Variants in RHOBTB2 observed in about 807,000 individuals in gnomAD.
RHOBTB2 encodes the protein Rho related BTB domain containing 2, also known as rho-related BTB domain-containing protein 2.
Under a neutral mutation model 66.5 loss-of-function variants are expected in RHOBTB2, and 39 were observed. That is an observed-to-expected ratio of 0.59 (90% CI 0.45 to 0.77). The LOEUF is 0.77. Among genes scored for constraint, RHOBTB2 ranks in the 30% least tolerant of loss-of-function variants. RHOBTB2 has a pLI of 0.00. For synonymous variants in RHOBTB2, 390 were observed against 395.0 expected, an observed-to-expected ratio of 0.99 and a Z score of 0.15; for missense variants, 755 against 999.1, an observed-to-expected ratio of 0.76 and a Z score of 3.29.
At chr8:22,983,638 GT>G (rs1182587184), upstream of RHOBTB2, among the ~76,000 whole-genome samples, 2 of 152,124 alleles carry the variant, frequency 1.3e-5, no homozygotes, top group African/African-American at 4.8e-5. Context: ...AGGGAAAAAG[GT>G]TTTGGATGTG....
chr8:22,951,933 T>G, the RHOBTB2 span, among the ~76,000 whole-genome samples: 6 of 152,156 alleles, frequency 3.9e-5, no homozygotes, highest in Non-Finnish European at 1.5e-5. Flanking sequence ...GTTGGCCAAG[T>G]TGGTCTCAAA....
chr8:22,974,918 CG>C, the RHOBTB2 span, among the ~76,000 whole-genome samples: 4 of 152,138 alleles, frequency 2.6e-5, no homozygotes, highest in African/African-American at 9.7e-5. Context: ...ACCCACTAAG[CG>C]CCCCAATTGT....
At chr8:22,973,349 C>T in the RHOBTB2 span, among the ~76,000 whole-genome samples, 4,327 of 152,266 alleles carry the variant, frequency 0.028, 195 homozygotes, top group African/African-American at 0.099. Context: ...CCCTCTCGGC[C>T]TCCCAAGTAG....
rs2128805085 is a variant in RHOBTB2, at chr8:23,007,760, T to C, written c.1501+14T>C. 1.9e-6 allele frequency: 3 copies of C among 1,609,468 alleles called. No individual in the cohort carries two copies. Among genetic ancestry groups the C allele is most frequent in the Non-Finnish European group, 2.5e-6 (3 of 1,176,964 alleles). On this transcript the variant is annotated intron_variant, in intron 5 of 9. Coordinates refer to ENST00000251822, the MANE Select transcript of RHOBTB2 (RefSeq NM_015178.3). The stretch of plus-strand genomic sequence containing the variant: ...GCACCTTCTCAGGTATGGAACAGGC[T>C]TGGAAAGCAAGGGGGTTCTGCATTG...
Position 23,006,951 on chromosome 8 carries a change from C to G in RHOBTB2, c.706C>G (p.Pro236Ala), listed in dbSNP as rs770545947. ...TCTGCTGCAGGCACCCTTCCTACCCCCCAAGCCACCGCCCCCGATCATCGT... is the reference window on the plus strand; with the variant it reads ...TCTGCTGCAGGCACCCTTCCTACCCGCCAAGCCACCGCCCCCGATCATCGT... Reference protein sequence around the residue: ...RPLLQAPFLPPKPPPPIIVVP... With the variant: ...RPLLQAPFLPAKPPPPIIVVP... The change falls in exon 5 of 10, where the codon CCC (proline) becomes GCC (alanine). Residue 236 changes from proline to alanine, a missense_variant. By Grantham distance (27) the Pro-to-Ala change is conservative. This residue lies in a region of RHOBTB2 where 247 missense variants were observed against 238.9 expected (regional missense o/e 1.03). Transcript: ENST00000251822. This position sits in a 1 kb window ranked among gnomAD's most constrained non-coding sequence, Gnocchi z 6.1. 1 of 1,612,386 alleles carries G rather than the reference C, an allele frequency of 6.2e-7. No individual in the cohort carries two copies. Among genetic ancestry groups the G allele is most frequent in the Non-Finnish European group, 8.5e-7 (1 of 1,180,010 alleles).
upstream of RHOBTB2, among the ~76,000 whole-genome samples, chr8:22,985,235 G>C (rs1313993071): frequency 6.6e-6 from 1 of 152,208 alleles, no homozygotes; most frequent in Admixed American, 6.5e-5. Flanking sequence ...CCAGAGTTCT[G>C]GTTCCACACT....
chr8:23,016,757 C>G (rs1411027005), intron 9 of RHOBTB2, among the ~76,000 whole-genome samples: 1 of 152,174 alleles, frequency 6.6e-6, no homozygotes, highest in Non-Finnish European at 1.5e-5. Context: ...TCACTCCCTG[C>G]TTCCAGACCT....
the RHOBTB2 span, among the ~76,000 whole-genome samples, chr8:22,959,072 T>C: frequency 1.3e-5 from 2 of 152,198 alleles, no homozygotes; most frequent in Non-Finnish European, 1.5e-5. Context: ...AAATCCATTG[T>C]TCACTCTCCT....
Position 22,994,479 on chromosome 8 carries a change from G to A in RHOBTB2, c.-23-82G>A. On this transcript the variant is annotated intron_variant, in intron 2 of 11. Transcript: ENST00000519685. ...CCTCTATCTGGGCTGAGCGACCTTG[G>A]AGTAATTCGCGGTGTGCTCATTCCC... 3 of 812,722 alleles carry A rather than the reference G, an allele frequency of 3.7e-6. No homozygotes were observed. In the South Asian group the frequency reaches 4.8e-5, roughly 13 times the overall value. The allele number at this position is 812,722 out of a possible 1,614,324, so 50.3% of individuals were successfully genotyped here. A position where few individuals can be genotyped will look rare whatever the true frequency, so the allele number is the denominator to read the frequency against.
In RHOBTB2 at chr8:22,999,737, T is replaced by TAGC; in HGVS notation, c.-378_-376dup. ...CGCCTTCGCCGCGGGCCCGGGCGCGTAGCGGCGGCGGCCTCGCCCCTCTCC... is the reference window on the plus strand; with the variant it reads ...CGCCTTCGCCGCGGGCCCGGGCGCGTAGCAGCGGCGGCGGCCTCGCCCCTCTCC... On this transcript the variant is annotated 5_prime_UTR_variant, in exon 1 of 10. Coordinates refer to ENST00000251822, the MANE Select transcript of RHOBTB2 (RefSeq NM_015178.3). 1 of 1,085,374 alleles carries TAGC rather than the reference T, an allele frequency of 9.2e-7. No individual in the cohort carries two copies. The highest frequency in any genetic ancestry group is 4.4e-4 in the Middle Eastern group (1 of 2,262). 67.2% of individuals were successfully genotyped at this position (1,085,374 alleles called of 1,614,324 possible).
At chr8:22,989,693 C>G (rs972941492) in intron 1 of RHOBTB2, among the ~76,000 whole-genome samples, 1 of 152,220 alleles carries the variant, frequency 6.6e-6, no homozygotes, top group African/African-American at 2.4e-5. Context: ...ATCAGAACCA[C>G]AGCGCTGGGG....
chr8:22,996,281 C>T (rs1810553814), upstream of RHOBTB2, among the ~76,000 whole-genome samples: 2 of 151,996 alleles, frequency 1.3e-5, no homozygotes, highest in Non-Finnish European at 2.9e-5. Context: ...TGGGGTTGGG[C>T]AGGGGCAGGA....
chr8:22,952,129 T>C, the RHOBTB2 span, among the ~76,000 whole-genome samples: 7 of 152,118 alleles, frequency 4.6e-5, no homozygotes, highest in Admixed American at 3.3e-4. Context: ...AGAACCTCCA[T>C]AGCCAGAACG....
At chr8:22,975,470 C>T in the RHOBTB2 span, among the ~76,000 whole-genome samples, 2 of 152,150 alleles carry the variant, frequency 1.3e-5, no homozygotes, top group African/African-American at 4.8e-5. Context: ...GGAGTTGGTG[C>T]ATGCGGTGTG....
chr8:22,961,880 G>T, the RHOBTB2 span, among the ~76,000 whole-genome samples: 1 of 151,980 alleles, frequency 6.6e-6, no homozygotes, highest in East Asian at 1.9e-4. Context: ...TGTAAGGAAA[G>T]GTATACAATC....
In RHOBTB2 at chr8:22,999,606, C is replaced by T. The variant is rs1333236626; in HGVS notation, c.-510C>T. The T allele has an allele frequency of 1.5e-5, 19 of 1,231,212 alleles. No homozygotes were observed. The highest frequency in any genetic ancestry group is 2.0e-5 in the Non-Finnish European group (19 of 967,638). 76.3% of individuals were successfully genotyped at this position (1,231,212 alleles called of 1,614,324 possible). ...TTTTTTCTCCTCCTTTTTTTACCCT[C>T]CCGTTTTTTTCTTTTCTTTTTTTTT... On this transcript the variant is annotated 5_prime_UTR_variant, in exon 1 of 10. Transcript: ENST00000251822.
At chr8:22,956,321 C>A in the RHOBTB2 span, among the ~76,000 whole-genome samples, 1 of 152,152 alleles carries the variant, frequency 6.6e-6, no homozygotes, top group Non-Finnish European at 1.5e-5. Flanking sequence ...GAAATGTAAT[C>A]CCCATTGTTG....
upstream of RHOBTB2, among the ~76,000 whole-genome samples, chr8:22,994,928 G>A (rs1249590809): frequency 6.6e-6 from 1 of 152,112 alleles, no homozygotes; most frequent in Non-Finnish European, 1.5e-5. Context: ...ACCACGCCCA[G>A]CTAATTTTTG....
chr8:22,993,670 T>C (rs1810477294), intron 2 of RHOBTB2, among the ~76,000 whole-genome samples: 1 of 152,202 alleles, frequency 6.6e-6, no homozygotes, highest in South Asian at 2.1e-4. Context: ...CTGCGTTGGT[T>C]TCTTTTCACT....
Sources: gnomAD v4.1 joint callset for allele counts (sites outside exome capture counted in the v4.1 genomes callset) on GRCh38, gnomAD v4.1.1 for gene constraint, gnomAD v4.1.1 regional missense constraint, Gnocchi (gnomAD v3.1) non-coding constraint, MANE v1.5 for transcripts, NCBI Gene and HGNC (gene_info 2026-07-23, HGNC 2026-07-21) for gene names.